GPATCH1: variants seen among roughly 807,000 people sequenced by gnomAD.
The protein encoded by GPATCH1 is G patch domain-containing protein 1.
GPATCH1 carries 73 observed loss-of-function variants against 114.9 expected under a neutral mutation model. That is an observed-to-expected ratio of 0.64 (90% confidence interval 0.53 to 0.77). GPATCH1 has a LOEUF of 0.77. GPATCH1 is among the 30% of genes least tolerant of loss of function. The pLI, the probability that GPATCH1 is intolerant of heterozygous loss-of-function variation, is 0.00. For missense variants in GPATCH1, 1,058 were observed against 1,144.3 expected (o/e 0.92, Z 1.09); for synonymous variants, 391 against 428.4 (o/e 0.91, Z 1.08).
At chr19:33,098,042 C>A in intron 8 of GPATCH1, 140 bp downstream of exon 8, 1 of 850,996 alleles carries the variant, frequency 1.2e-6, no homozygotes, top group Non-Finnish European at 1.9e-6. Flanking sequence ...AAGCGAGGCC[C>A]AGCATGGGAA....
intron 1 of GPATCH1, among the ~76,000 whole-genome samples, chr19:33,081,628 G>A (rs1972477729): frequency 6.6e-6 from 1 of 152,120 alleles, no homozygotes; most frequent in Non-Finnish European, 1.5e-5. Context: ...AATCTGGAGG[G>A]AAAGCATTTC....
intron 1 of GPATCH1, among the ~76,000 whole-genome samples, chr19:33,087,871 G>C (rs1972549933): frequency 6.6e-6 from 1 of 151,724 alleles, no homozygotes. Context: ...TGTTAGTAGA[G>C]CCGGGATTTT....
Position 33,126,695 on chromosome 19 carries a change from G to C in GPATCH1, c.2727G>C (p.Glu909Asp). The C allele has an allele frequency of 6.2e-7, 1 of 1,613,948 alleles. No individual in the cohort carries two copies. The highest frequency in any genetic ancestry group is 1.3e-5 in the African/African-American group (1 of 74,992). ...ACAGCAGCGACAGCCAGAGTGACGAGGAAACCGCAGACGTGTCGCCCCAGG... is the reference window on the plus strand; with the variant it reads ...ACAGCAGCGACAGCCAGAGTGACGACGAAACCGCAGACGTGTCGCCCCAGG... ...SSDSSDSQSD[E>D]ETADVSPQEL... The change falls in exon 19 of 20, where the codon GAG becomes GAC. Residue 909 changes from glutamate (E) to aspartate (D), a missense_variant. By Grantham distance (45) the Glu-to-Asp change is conservative. Coordinates refer to ENST00000170564, the MANE Select transcript of GPATCH1 (RefSeq NM_018025.3).
chr19:33,092,739 C>T (rs1972610370), intron 3 of GPATCH1, among the ~76,000 whole-genome samples: 1 of 152,244 alleles, frequency 6.6e-6, no homozygotes, highest in African/African-American at 2.4e-5. Context: ...CAGGCTTTGT[C>T]TCTTTCACGC....
At chr19:33,097,639 G>T in intron 7 of GPATCH1, 116 bp from the exon 8 acceptor site, 1 of 916,472 alleles carries the variant, frequency 1.1e-6, no homozygotes, top group African/African-American at 1.7e-5. Flanking sequence ...CTTCTCTCTT[G>T]GTGATCTTGA....
intron 1 of GPATCH1, among the ~76,000 whole-genome samples, chr19:33,084,642 C>G (rs1972515711): frequency 6.6e-6 from 1 of 151,736 alleles, no homozygotes; most frequent in Non-Finnish European, 1.5e-5. Context: ...CTCAATACAC[C>G]TGACCTTGCC....
At chr19:33,118,152 T>A in intron 16 of GPATCH1, 111 bp downstream of exon 16, 1 of 656,450 alleles carries the variant, frequency 1.5e-6, no homozygotes, top group South Asian at 2.1e-5. Flanking sequence ...CAATCAATGA[T>A]ATGTAATCTT....
intron 15 of GPATCH1, among the ~76,000 whole-genome samples, chr19:33,117,474 T>A (rs797013595): frequency 6.6e-6 from 1 of 152,080 alleles, no homozygotes; most frequent in African/African-American, 2.4e-5. Flanking sequence ...TTTTGTACTT[T>A]TAGTAGAGAC....
In GPATCH1 at chr19:33,088,130, T is replaced by A; in HGVS notation, c.74-4T>A. ...TAAAAAACTTTTTTTTTTTTTTTTT[T>A]TAGGTGAAAGACCAAAGAAACCAAT... is the stretch of plus-strand genomic sequence containing the variant. On this transcript the variant is annotated splice_polypyrimidine_tract_variant and splice_region_variant and intron_variant, in intron 1 of 19. Transcript: ENST00000170564. 1 of 1,476,962 alleles carries A rather than the reference T, an allele frequency of 6.8e-7. No individual in the cohort carries two copies. Among genetic ancestry groups the A allele is most frequent in the Non-Finnish European group, 9.0e-7 (1 of 1,110,520 alleles). 91.5% of individuals were successfully genotyped at this position (1,476,962 alleles called of 1,614,324 possible).
intron 1 of GPATCH1, among the ~76,000 whole-genome samples, chr19:33,082,223 A>G (rs769662797): frequency 2.0e-5 from 3 of 152,118 alleles, no homozygotes; most frequent in Admixed American, 1.3e-4. Flanking sequence ...GGCAAGATGA[A>G]TCAAGGTTCT....
chr19:33,113,497 CAGAAA>C (rs1972880591), intron 13 of GPATCH1: 1 of 346,938 alleles, frequency 2.9e-6, no homozygotes, highest in Non-Finnish European at 5.3e-6. Context: ...CAGAGACTGT[CAGAAA>C]CTTTAGGTAT....
In GPATCH1 at chr19:33,106,710, G is replaced by A. The variant is rs756604993; in HGVS notation, c.1096G>A (p.Glu366Lys). 1.9e-6 allele frequency: 3 copies of A among 1,613,570 alleles called. No individual in the cohort carries two copies. Among genetic ancestry groups the A allele is most frequent in the African/African-American group, 2.7e-5 (2 of 75,002 alleles). Residue 366 changes from glutamate to lysine, a missense_variant, in exon 10 of 20, where the codon GAG (glutamate) becomes AAG (lysine). Transcript: ENST00000170564. ...GTTTGTTAAGATCTATCCACCTCCA[G>A]AGCTGCCAAGAGACTATCGACCAGT... ...LSSKKIYPPP[E>K]LPRDYRPVHY... is the part of the protein sequence containing the mutation.
chr19:33,120,180 A>C (rs1186061184), intron 17 of GPATCH1, among the ~76,000 whole-genome samples: 1 of 140,764 alleles, frequency 7.1e-6, no homozygotes, highest in Non-Finnish European at 1.5e-5. Flanking sequence ...ATATATTCAT[A>C]TATAAATACA....
In GPATCH1 at chr19:33,085,125, G is replaced by A. The variant is rs895467446; in HGVS notation, c.74-3009G>A. 9.2e-5 allele frequency among the ~76,000 whole-genome samples: 14 copies of A among 152,248 alleles called. No homozygotes were observed. The East Asian group carries it at 1.7e-3, about 19-fold the overall frequency. The stretch of plus-strand genomic sequence containing the variant: ...CGTGCAGGTCTTCTCTGCTGGGCTC[G>A]GAGTGTCCTGAGAACGGGAGCAGAG... On this transcript the variant is annotated intron_variant, in intron 1 of 19. Transcript: ENST00000170564.
At chr19:33,083,807 A>G (rs777839785) in intron 1 of GPATCH1, among the ~76,000 whole-genome samples, 3 of 151,774 alleles carry the variant, frequency 2.0e-5, no homozygotes, top group African/African-American at 4.8e-5. Context: ...GGATTGATTC[A>G]TTGTCTTCTA....
In GPATCH1 at chr19:33,096,251, C is replaced by G. The variant is rs376707938; in HGVS notation, c.657C>G (p.Pro219=). The G allele has an allele frequency of 7.4e-6, 12 of 1,613,164 alleles. No individual in the cohort carries two copies. Among genetic ancestry groups the G allele is most frequent in the Non-Finnish European group, 1.0e-5 (12 of 1,179,152 alleles). ...TGCCTGATAATGTGACCTTTGCACC[C>G]AAAGATGTCACACCTGTGGATTTCA... ...DYLPDNVTFA[P]KDVTPVDFTP... is the part of the protein sequence containing the mutation. Residue 219 remains proline, a synonymous_variant, in exon 7 of 20, where the codon CCC becomes CCG. Transcript: ENST00000170564.
intron 15 of GPATCH1, among the ~76,000 whole-genome samples, chr19:33,114,839 G>A (rs1476794703): frequency 2.0e-5 from 2 of 100,510 alleles, no homozygotes; most frequent in African/African-American, 8.1e-5. Flanking sequence ...GTCTTGGTCT[G>A]TCCCCCAGGC....
At position 33,117,977 on chromosome 19, in the gene GPATCH1, T is replaced by G. The variant is rs1264909844; in HGVS notation, c.2349T>G (p.Ser783=). The G allele has an allele frequency of 6.2e-7, 1 of 1,613,874 alleles. No homozygotes were observed. Among genetic ancestry groups the G allele is most frequent in the Admixed American group, 1.7e-5 (1 of 59,940 alleles). The change falls in exon 16 of 20, where the codon TCT becomes TCG. Residue 783 remains serine (S), a synonymous_variant. Coordinates refer to ENST00000170564, the MANE Select transcript of GPATCH1 (RefSeq NM_018025.3). ...QGDSEDDQAG[S]GEANFQSSQD... Reference sequence around the variant, plus strand: ...ACAGTGAAGATGATCAGGCAGGCTCTGGGGAGGCCAACTTCCAAAGCTCCC... The same window carrying G: ...ACAGTGAAGATGATCAGGCAGGCTCGGGGGAGGCCAACTTCCAAAGCTCCC...
At position 33,088,274 on chromosome 19, in the gene GPATCH1, A is replaced by C. The variant is rs751488487; in HGVS notation, c.208+6A>C. 2 of 1,587,226 alleles carry C rather than the reference A, an allele frequency of 1.3e-6. No homozygotes were observed. The highest frequency in any genetic ancestry group is 3.6e-5 in the Admixed American group (2 of 55,488). On this transcript the variant is annotated splice_donor_region_variant and intron_variant, in intron 2 of 19. Coordinates refer to ENST00000170564, the MANE Select transcript of GPATCH1 (RefSeq NM_018025.3). Reference sequence around the variant, plus strand: ...TACTGTTGGCTCAAAAGAAGGTATCATTTTCCTAATTGTAGCTATTATACC... The same window carrying C: ...TACTGTTGGCTCAAAAGAAGGTATCCTTTTCCTAATTGTAGCTATTATACC...
Sources: gnomAD v4.1 joint callset for allele counts (sites outside exome capture counted in the v4.1 genomes callset) on GRCh38, gnomAD v4.1.1 for gene constraint, MANE v1.5 for transcripts, NCBI Gene and HGNC (gene_info 2026-07-23, HGNC 2026-07-21) for gene names.